Variants in GLRA2 observed in about 807,000 individuals in gnomAD.
The protein encoded by GLRA2 is glycine receptor subunit alpha-2.
Under a neutral mutation model 31.6 loss-of-function variants are expected in GLRA2, and 11 were observed. The observed-to-expected ratio is 0.35, with a 90% CI of 0.22 to 0.58. The LOEUF (loss-of-function observed/expected upper bound fraction) is 0.58. GLRA2 is among the 20% of genes least tolerant of loss of function. GLRA2 has a pLI of 0.84. For synonymous variants in GLRA2, 132 were observed against 134.0 expected, an observed-to-expected ratio of 0.99 and a Z score of 0.10; for missense variants, 212 against 351.8, an observed-to-expected ratio of 0.60 and a Z score of 3.18.
chrX:14,471,389 T>C, the GLRA2 span, among the ~76,000 whole-genome samples: 1 of 111,770 alleles, frequency 8.9e-6, no homozygotes, highest in Non-Finnish European at 1.9e-5. Flanking sequence ...AAGAACTAGC[T>C]GTGACAACTA....
intron 2 of GLRA2, among the ~76,000 whole-genome samples, chrX:14,546,125 C>CA (rs2089476419): frequency 9.0e-6 from 1 of 111,313 alleles, no homozygotes; most frequent in Non-Finnish European, 1.9e-5. Flanking sequence ...GAAATATTAC[C>CA]ATTTCATTTC....
At chrX:14,501,298 T>G in the GLRA2 span, among the ~76,000 whole-genome samples, 5 of 111,923 alleles carry the variant, frequency 4.5e-5, no homozygotes, top group Non-Finnish European at 9.4e-5. Flanking sequence ...TAAACCTACA[T>G]ATTGTGGCCA....
the GLRA2 span, among the ~76,000 whole-genome samples, chrX:14,508,759 T>C: frequency 8.9e-6 from 1 of 111,793 alleles, no homozygotes; most frequent in Non-Finnish European, 1.9e-5. Context: ...AAAAATGAAT[T>C]TCAAGGTCAC....
At chrX:14,573,264 A>T (rs1234947346) in intron 2 of GLRA2, among the ~76,000 whole-genome samples, 2 of 111,561 alleles carry the variant, frequency 1.8e-5, no homozygotes, top group Admixed American at 9.6e-5. Flanking sequence ...CGGACTTCTG[A>T]AGAGGTTTAA....
chrX:14,562,783 C>A (rs1487466481), intron 2 of GLRA2, among the ~76,000 whole-genome samples: 1 of 111,434 alleles, frequency 9.0e-6, no homozygotes, highest in African/African-American at 3.3e-5. Flanking sequence ...TAGGGGCCAA[C>A]CCTCACTTAA....
intron 7 of GLRA2, among the ~76,000 whole-genome samples, chrX:14,615,417 T>C (rs1334256391): frequency 2.7e-5 from 3 of 112,100 alleles, no homozygotes; most frequent in African/African-American, 9.7e-5. Flanking sequence ...CAGGGGCTTG[T>C]AATCTGCTAG....
the GLRA2 span, among the ~76,000 whole-genome samples, chrX:14,456,158 T>A: frequency 9.0e-6 from 1 of 111,717 alleles, no homozygotes; most frequent in Non-Finnish European, 1.9e-5. Flanking sequence ...TTTTTTTCCA[T>A]GGTCTATTAA....
the GLRA2 span, among the ~76,000 whole-genome samples, chrX:14,484,094 G>A: frequency 6.3e-5 from 7 of 111,175 alleles, no homozygotes; most frequent in African/African-American, 9.8e-5. Flanking sequence ...TAATAAACTC[G>A]TATATGTATT....
chrX:14,557,085 C>A (rs1461571142), intron 2 of GLRA2, among the ~76,000 whole-genome samples: 1 of 93,305 alleles, frequency 1.1e-5, no homozygotes, highest in Admixed American at 1.2e-4. Flanking sequence ...ACTGCCATGT[C>A]TTCACCTAAA....
intron 7 of GLRA2, among the ~76,000 whole-genome samples, chrX:14,660,318 C>T (rs765403353): frequency 1.8e-5 from 2 of 111,580 alleles, no homozygotes; most frequent in East Asian, 5.7e-4. Flanking sequence ...AGGAAACAGT[C>T]AGTGCAGAAA....
intron 8 of GLRA2, among the ~76,000 whole-genome samples, chrX:14,708,558 C>T (rs748529451): frequency 1.8e-5 from 2 of 111,995 alleles, no homozygotes; most frequent in Admixed American, 9.5e-5. Context: ...CTCATCACTC[C>T]GTGACCTGCC....
At chrX:14,580,340 C>T (rs1451377768) in intron 3 of GLRA2, among the ~76,000 whole-genome samples, 1 of 112,429 alleles carries the variant, frequency 8.9e-6, no homozygotes, top group Non-Finnish European at 1.9e-5. Flanking sequence ...CACAGACTGG[C>T]TTGGTTAGGG....
At chrX:14,689,033 A>G (rs1216027356) in intron 7 of GLRA2, among the ~76,000 whole-genome samples, 2 of 111,842 alleles carry the variant, frequency 1.8e-5, no homozygotes, top group African/African-American at 6.5e-5. Context: ...TATTGCTCCT[A>G]TTTTAGGGAT....
intron 2 of GLRA2, among the ~76,000 whole-genome samples, chrX:14,535,792 G>T (rs893819297): frequency 9.8e-5 from 11 of 112,296 alleles, no homozygotes; most frequent in Admixed American, 9.4e-4. Context: ...CATCCTATCA[G>T]ATATTCTTCT....
chrX:14,482,931 AAT>A, the GLRA2 span, among the ~76,000 whole-genome samples: 1 of 111,353 alleles, frequency 9.0e-6, no homozygotes, highest in African/African-American at 3.3e-5. Context: ...AGAGCAGCTG[AAT>A]ATATACCACT....
chrX:14,609,710 G>A (rs977209611), intron 7 of GLRA2, among the ~76,000 whole-genome samples: 2 of 111,359 alleles, frequency 1.8e-5, no homozygotes, highest in African/African-American at 6.5e-5. Context: ...TTAGGGTACA[G>A]CAATCTGATA....
chrX:14,456,258 C>T, the GLRA2 span, among the ~76,000 whole-genome samples: 1 of 110,983 alleles, frequency 9.0e-6, no homozygotes, highest in Non-Finnish European at 1.9e-5. Context: ...TATACATATT[C>T]ATGGGGTACA....
chrX:14,600,241 G>T (rs1162226535), intron 4 of GLRA2, among the ~76,000 whole-genome samples: 2 of 111,087 alleles, frequency 1.8e-5, no homozygotes. Flanking sequence ...GCTTCCTGAA[G>T]AAATGTGAAA....
At chrX:14,468,027 G>C in the GLRA2 span, among the ~76,000 whole-genome samples, 1 of 111,472 alleles carries the variant, frequency 9.0e-6, no homozygotes, top group African/African-American at 3.3e-5. Flanking sequence ...ATCAATGTTA[G>C]GTTGACTTGA....
Sources: gnomAD v4.1 joint callset for allele counts (sites outside exome capture counted in the v4.1 genomes callset) on GRCh38, gnomAD v4.1.1 for gene constraint, MANE v1.5 for transcripts, NCBI Gene and HGNC (gene_info 2026-07-23, HGNC 2026-07-21) for gene names.